LAMB3: variants seen among roughly 807,000 people sequenced by gnomAD.
LAMB3 encodes laminin subunit beta-3.
Under a neutral mutation model 140.3 loss-of-function variants are expected in LAMB3, and 104 were observed. The observed-to-expected ratio is 0.74, with a 90% CI of 0.63 to 0.87. LAMB3 has a LOEUF of 0.87. Among genes scored for constraint, LAMB3 ranks in the 40% least tolerant of loss-of-function variants. LAMB3 has a pLI of 0.00. For synonymous variants in LAMB3, 592 were observed against 602.9 expected (o/e 0.98, Z 0.26); for missense variants, 1,531 against 1,575.2 (o/e 0.97, Z 0.47).
rs773740954 is a variant in LAMB3 at position 209,627,379 on chromosome 1, G to A, written c.1485+4C>T. On this transcript the variant is annotated splice_donor_region_variant and intron_variant, in intron 12 of 22. Coordinates refer to ENST00000356082, the MANE Select transcript of LAMB3 (RefSeq NM_000228.3). Reference sequence around the variant, plus strand: ...GGGGCCCCCGGACCACCCTCACTTCGTACCTGGTTGCACTGTGGGCTGAGG... The same window carrying A: ...GGGGCCCCCGGACCACCCTCACTTCATACCTGGTTGCACTGTGGGCTGAGG... 20 of 1,610,334 alleles carry A rather than the reference G, an allele frequency of 1.2e-5. No homozygotes were observed. Among genetic ancestry groups the A allele is most frequent in the Admixed American group, 1.0e-4 (6 of 59,944 alleles).
intron 3 of LAMB3, among the ~76,000 whole-genome samples, chr1:209,646,134 A>G (rs374346963): frequency 3.9e-5 from 6 of 152,342 alleles, no homozygotes; most frequent in African/African-American, 1.4e-4. Flanking sequence ...TAAATAAAGC[A>G]TTTAGGGGAG....
At chr1:209,630,915 A>C (rs1447559066) in intron 8 of LAMB3, among the ~76,000 whole-genome samples, 180 bp from the exon 9 acceptor site, 1 of 152,186 alleles carries the variant, frequency 6.6e-6, no homozygotes, top group Non-Finnish European at 1.5e-5. Flanking sequence ...ACTGTCTGCT[A>C]TTGTTCTGCA....
At position 209,632,771 on chromosome 1, in the gene LAMB3, C is replaced by G; in HGVS notation, c.634G>C (p.Gly212Arg). Residue 212 changes from glycine to arginine, a missense_variant, in exon 8 of 23, where the codon GGG becomes CGG. By Grantham distance (125) the Gly-to-Arg change is moderately radical (BLOSUM62 -2). Transcript: ENST00000356082. Reference sequence around the variant, plus strand: ...TTGACTCTCAAGTTTGTGATCTCCCCCACCTCTGAGAGGGCCAAACAGCAA... The same window carrying G: ...TTGACTCTCAAGTTTGTGATCTCCCGCACCTCTGAGAGGGCCAAACAGCAA... ...ATQSQKIQEV[G>R]EITNLRVNFT... is the part of the protein sequence containing the mutation. 6.2e-7 allele frequency: 1 copy of G among 1,614,114 alleles called. No individual in the cohort carries two copies. Among genetic ancestry groups the G allele is most frequent in the Admixed American group, 1.7e-5 (1 of 60,028 alleles).
At chr1:209,645,322 T>C (rs1291123875) in intron 3 of LAMB3, among the ~76,000 whole-genome samples, 3 of 152,142 alleles carry the variant, frequency 2.0e-5, no homozygotes, top group African/African-American at 7.2e-5. Flanking sequence ...CTATCTGTGT[T>C]TTAAACAAGG....
chr1:209,648,060 A>T (rs1478831636), intron 3 of LAMB3, among the ~76,000 whole-genome samples: 2 of 152,216 alleles, frequency 1.3e-5, no homozygotes, highest in African/African-American at 4.8e-5. Flanking sequence ...TGTCCAGAGG[A>T]CAAAAAGGGA....
intron 3 of LAMB3, among the ~76,000 whole-genome samples, chr1:209,642,672 T>TG (rs2076480253): frequency 6.6e-6 from 1 of 152,098 alleles, no homozygotes; most frequent in Non-Finnish European, 1.5e-5. Flanking sequence ...AGAGACGGGA[T>TG]TTCACCATGT....
At chr1:209,645,965 A>G (rs1197123626) in intron 3 of LAMB3, among the ~76,000 whole-genome samples, 2 of 152,204 alleles carry the variant, frequency 1.3e-5, no homozygotes, top group Non-Finnish European at 2.9e-5. Flanking sequence ...ATTAGAGAGG[A>G]GGGACTTCCA....
At chr1:209,620,512 G>A (rs1313490739) in intron 18 of LAMB3, among the ~76,000 whole-genome samples, 2 of 152,234 alleles carry the variant, frequency 1.3e-5, no homozygotes, top group Non-Finnish European at 1.5e-5. Flanking sequence ...AAGAGAAAGT[G>A]TGTTTGTGTA....
At chr1:209,649,331 T>A (rs550896999) in intron 3 of LAMB3, among the ~76,000 whole-genome samples, 19 of 151,984 alleles carry the variant, frequency 1.3e-4, no homozygotes, top group African/African-American at 4.3e-4. Flanking sequence ...AAAGAAAGAT[T>A]CCCCCCTGTT....
chr1:209,637,121 C>T (rs1055520399), intron 5 of LAMB3, among the ~76,000 whole-genome samples: 1 of 152,186 alleles, frequency 6.6e-6, no homozygotes, highest in Admixed American at 6.5e-5. Context: ...AGAGACTGGG[C>T]ATTTATTCAA....
chr1:209,616,042 C>T (rs1665947357), intron 22 of LAMB3, among the ~76,000 whole-genome samples: 1 of 152,174 alleles, frequency 6.6e-6, no homozygotes, highest in African/African-American at 2.4e-5. Context: ...CCCAGGCCTA[C>T]ACATCCTTCC....
rs770900995 is a variant in LAMB3, at chr1:209,638,684, G to A, written c.184-36C>T. On this transcript the variant is annotated intron_variant, in intron 3 of 22. Coordinates refer to ENST00000356082, the MANE Select transcript of LAMB3 (RefSeq NM_000228.3). ...GGGAGATAGCAGACACTCAGAGGTG[G>A]GGTCCTGATAGAATTCCCCCTTGCG... 2.1e-6 allele frequency: 3 copies of A among 1,416,118 alleles called. No individual in the cohort carries two copies. The East Asian group carries it at 6.8e-5, about 32-fold the overall frequency. The allele number at this position is 1,416,118 out of a possible 1,614,324, so 87.7% of individuals were successfully genotyped here. A position where few individuals can be genotyped will look rare whatever the true frequency, so the allele number is the denominator to read the frequency against.
chr1:209,626,996 C>T lies in LAMB3; in HGVS notation c.1486-18G>A, dbSNP rs2076350. 109,495 of 1,545,726 alleles carry T rather than the reference C, an allele frequency of 0.071. 14,072 individuals are homozygous for T. The highest frequency in any genetic ancestry group is 0.58 in the East Asian group (25,416 of 43,762). On this transcript the variant is annotated intron_variant, in intron 12 of 22. Coordinates refer to ENST00000356082, the MANE Select transcript of LAMB3 (RefSeq NM_000228.3). Reference sequence around the variant, plus strand: ...CCTGTGAACTGCGTGGGGAGAGCACCGTCAGTGGACCCTGCCTCACAGCCT... The same window carrying T: ...CCTGTGAACTGCGTGGGGAGAGCACTGTCAGTGGACCCTGCCTCACAGCCT...
At chr1:209,632,559 C>T (rs60173216) in intron 8 of LAMB3, 24 bp downstream of exon 8, 11 of 1,607,508 alleles carry the variant, frequency 6.8e-6, no homozygotes, top group Non-Finnish European at 9.4e-6. Flanking sequence ...CCCTTCCTCT[C>T]CCCTTCCCAC....
chr1:209,617,659 C>T, intron 20 of LAMB3, 73 bp from the exon 21 acceptor site: 1 of 1,563,036 alleles, frequency 6.4e-7, no homozygotes, highest in Non-Finnish European at 8.8e-7. Flanking sequence ...CATTTTTTCT[C>T]CAACTCATCA....
rs1398058439 is a variant in LAMB3 at position 209,623,571 on chromosome 1, G to A, written c.2292C>T (p.Ser764=). The A allele has an allele frequency of 1.2e-6, 2 of 1,614,076 alleles. No homozygotes were observed. The highest frequency in any genetic ancestry group is 1.7e-6 in the Non-Finnish European group (2 of 1,180,036). Residue 764 remains serine (S), a synonymous_variant, in exon 16 of 23, where the codon AGC becomes AGT. Coordinates refer to ENST00000356082, the MANE Select transcript of LAMB3 (RefSeq NM_000228.3). This position sits in a 1 kb window ranked among gnomAD's most constrained non-coding sequence, Gnocchi z 4.2. ...CCAGCCTCAGGGCCACAAGCTTGGGGCTGCCGGTGCCTCCTCCTCCTCCCG... is the reference window on the plus strand; with the variant it reads ...CCAGCCTCAGGGCCACAAGCTTGGGACTGCCGGTGCCTCCTCCTCCTCCCG... ...RQAGGGGGTG[S]PKLVALRLEM... is the part of the protein sequence containing the mutation.
chr1:209,621,320 AC>A (rs1666184198), intron 18 of LAMB3, among the ~76,000 whole-genome samples: 1 of 152,170 alleles, frequency 6.6e-6, no homozygotes, highest in African/African-American at 2.4e-5. Flanking sequence ...CAATCTCCCT[AC>A]ATCCCCAGGT....
At chr1:209,632,090 AG>A (rs1422756144) in intron 8 of LAMB3, among the ~76,000 whole-genome samples, 1 of 152,214 alleles carries the variant, frequency 6.6e-6, no homozygotes, top group Non-Finnish European at 1.5e-5. Context: ...CGCCTGGTCT[AG>A]GGTAGACTTA....
intron 3 of LAMB3, among the ~76,000 whole-genome samples, chr1:209,641,286 A>G (rs1367396251): frequency 6.6e-6 from 1 of 152,196 alleles, no homozygotes; most frequent in Admixed American, 6.5e-5. Flanking sequence ...GTAATAAAGC[A>G]TCAGTAGTAA....
Sources: gnomAD v4.1 joint callset for allele counts (sites outside exome capture counted in the v4.1 genomes callset) on GRCh38, gnomAD v4.1.1 for gene constraint, Gnocchi (gnomAD v3.1) non-coding constraint, MANE v1.5 for transcripts, NCBI Gene and HGNC (gene_info 2026-07-23, HGNC 2026-07-21) for gene names.